Variants in SDK1 observed in about 807,000 individuals in gnomAD.
The protein encoded by SDK1 is sidekick cell adhesion molecule 1.
SDK1 carries 157 observed loss-of-function variants against 245.5 expected under a neutral mutation model. The ratio of observed to expected loss-of-function variants is 0.64; its 90% confidence interval spans 0.56 to 0.73. The LOEUF (loss-of-function observed/expected upper bound fraction) is 0.73, where lower values mean the gene tolerates loss of function less well. SDK1 is among the 30% of genes least tolerant of loss of function. SDK1 has a pLI of 0.00. For synonymous variants in SDK1, 1,647 were observed against 1,278.5 expected, an observed-to-expected ratio of 1.29 and a Z score of -6.15; for missense variants, 3,583 against 3,002.3, an observed-to-expected ratio of 1.19 and a Z score of -4.52.
chr7:3,571,077 T>G (rs1483571899), intron 1 of SDK1, among the ~76,000 whole-genome samples: 3 of 152,050 alleles, frequency 2.0e-5, no homozygotes, highest in Admixed American at 2.0e-4. Context: ...TGTTGAGATG[T>G]TCATTTTTAA....
chr7:4,069,848 G>T (rs1045051698), intron 20 of SDK1, among the ~76,000 whole-genome samples: 2 of 152,222 alleles, frequency 1.3e-5, no homozygotes, highest in Non-Finnish European at 2.9e-5. Flanking sequence ...TATAACCGAG[G>T]CCTGGCGATG....
intron 1 of SDK1, among the ~76,000 whole-genome samples, chr7:3,612,948 T>C (rs997986246): frequency 8.0e-5 from 12 of 149,776 alleles, no homozygotes; most frequent in African/African-American, 2.9e-4. Flanking sequence ...ATTCTTCTGC[T>C]AAGTGGAGGT....
intron 1 of SDK1, among the ~76,000 whole-genome samples, chr7:3,329,578 C>G (rs1271837287): frequency 6.6e-6 from 1 of 152,162 alleles, no homozygotes; most frequent in African/African-American, 2.4e-5. Flanking sequence ...CTTTGCGTCT[C>G]TATAGATTTG....
chr7:3,463,856 C>T (rs1483394832), intron 1 of SDK1, among the ~76,000 whole-genome samples: 1 of 152,168 alleles, frequency 6.6e-6, no homozygotes, highest in Non-Finnish European at 1.5e-5. Context: ...GACTTTGGAA[C>T]CTGAATTGGC....
chr7:3,576,327 C>G (rs147658910), intron 1 of SDK1, among the ~76,000 whole-genome samples: 122 of 152,246 alleles, frequency 8.0e-4, no homozygotes, highest in African/African-American at 2.9e-3. Context: ...TGGAGTTACA[C>G]TGTGTACTTC....
intron 1 of SDK1, among the ~76,000 whole-genome samples, chr7:3,585,103 GT>G (rs1192417114): frequency 3.3e-5 from 5 of 152,108 alleles, no homozygotes; most frequent in Non-Finnish European, 5.9e-5. Context: ...TGCTGCCCTA[GT>G]TTTGTACTTC....
At chr7:3,456,490 C>T (rs1032855955) in intron 1 of SDK1, among the ~76,000 whole-genome samples, 2 of 152,288 alleles carry the variant, frequency 1.3e-5, no homozygotes, top group Admixed American at 6.5e-5. Context: ...TATCTGCATT[C>T]TCTTATTGAG....
chr7:3,497,431 A>T (rs143025781), intron 1 of SDK1, among the ~76,000 whole-genome samples: 348 of 152,336 alleles, frequency 2.3e-3, no homozygotes, highest in African/African-American at 8.2e-3. Context: ...TGCTGCAGAC[A>T]TCATTGCGTC....
chr7:4,176,189 G>A (rs370604692), intron 34 of SDK1, among the ~76,000 whole-genome samples: 50 of 147,684 alleles, frequency 3.4e-4, no homozygotes, highest in African/African-American at 1.2e-3. Flanking sequence ...TAGAGACAGA[G>A]TCTCACTCTG....
intron 5 of SDK1, among the ~76,000 whole-genome samples, chr7:3,945,931 A>AAAAAAAAAAAC: frequency 7.0e-6 from 1 of 142,414 alleles, no homozygotes; most frequent in Non-Finnish European, 1.5e-5. Context: ...AAAAAAAAAA[A>AAAAAAAAAAAC]AAGATAAAGT....
At chr7:3,465,268 T>C (rs571822245) in intron 1 of SDK1, among the ~76,000 whole-genome samples, 45 of 152,236 alleles carry the variant, frequency 3.0e-4, no homozygotes, top group Non-Finnish European at 5.1e-4. Context: ...ACTGCGACAA[T>C]GAATGGTATC....
intron 10 of SDK1, among the ~76,000 whole-genome samples, chr7:3,968,739 C>T (rs555969345): frequency 2.6e-5 from 4 of 152,326 alleles, no homozygotes; most frequent in African/African-American, 9.6e-5. Flanking sequence ...CTAAACAGTG[C>T]TAGCAGGTAC....
intron 35 of SDK1, among the ~76,000 whole-genome samples, chr7:4,187,970 G>A (rs946969358): frequency 1.4e-5 from 2 of 146,528 alleles, no homozygotes; most frequent in African/African-American, 2.5e-5. Context: ...TGAAAGGCAC[G>A]TCTTAAATGG....
chr7:3,589,930 T>G (rs907554502), intron 1 of SDK1, among the ~76,000 whole-genome samples: 1 of 152,184 alleles, frequency 6.6e-6, no homozygotes, highest in Admixed American at 6.5e-5. Context: ...ATTGAGGTTA[T>G]GCAGAGTCTG....
chr7:4,106,341 T>C (rs557171357), intron 22 of SDK1, among the ~76,000 whole-genome samples: 1 of 151,294 alleles, frequency 6.6e-6, no homozygotes, highest in East Asian at 2.0e-4. Context: ...CCTCATTCTG[T>C]CACCCAGCCT....
intron 1 of SDK1, among the ~76,000 whole-genome samples, chr7:3,569,646 C>T (rs532707789): frequency 2.6e-5 from 4 of 152,322 alleles, no homozygotes; most frequent in African/African-American, 7.2e-5. Context: ...GAAGTGCTCA[C>T]AAGAGCAGAC....
chr7:3,729,590 G>A (rs954809852), intron 4 of SDK1, among the ~76,000 whole-genome samples: 1 of 152,118 alleles, frequency 6.6e-6, no homozygotes, highest in East Asian at 1.9e-4. Flanking sequence ...TAATTGGTTG[G>A]CCACATTACC....
chr7:3,855,171 A>G (rs1181514890), intron 5 of SDK1, among the ~76,000 whole-genome samples: 1 of 152,154 alleles, frequency 6.6e-6, no homozygotes, highest in Non-Finnish European at 1.5e-5. Flanking sequence ...CCTCAAGAGC[A>G]CATCCAGGTC....
chr7:3,587,044 T>C (rs535262514), intron 1 of SDK1, among the ~76,000 whole-genome samples: 2 of 152,290 alleles, frequency 1.3e-5, no homozygotes, highest in Non-Finnish European at 2.9e-5. Context: ...AGTGCAGACA[T>C]CTGGGCTTTG....
Sources: allele counts gnomAD v4.1 joint callset (sites outside exome capture counted in the v4.1 genomes callset), GRCh38; gene constraint gnomAD v4.1.1; transcripts MANE v1.5; gene names NCBI Gene and HGNC (gene_info 2026-07-23, HGNC 2026-07-21).